The following RYR3 variants were observed in gnomAD, a reference collection of about 807,000 sequenced individuals.
The protein encoded by RYR3 is ryanodine receptor 3, also known as brain ryanodine receptor-calcium release channel.
A neutral mutation model predicts 584.3 loss-of-function variants in RYR3; 207 were observed. The observed-to-expected ratio is 0.35, with a 90% CI of 0.32 to 0.40. The LOEUF (loss-of-function observed/expected upper bound fraction) is 0.40, where lower values mean the gene tolerates loss of function less well. RYR3 is among the 10% of genes least tolerant of loss of function. The pLI is 1.00. For missense variants in RYR3, 5,616 were observed against 6,089.2 expected (o/e 0.92, Z 2.59); for synonymous variants, 2,416 against 2,248.5 (o/e 1.07, Z -2.11).
At chr15:33,565,654 C>G (rs973022089) in intron 11 of RYR3, among the ~76,000 whole-genome samples, 1 of 152,184 alleles carries the variant, frequency 6.6e-6, no homozygotes, top group Admixed American at 6.5e-5. Context: ...TTGCTTGCTT[C>G]CATCAAGAGG....
At chr15:33,460,940 CTTTTT>C (rs66742049) in intron 1 of RYR3, among the ~76,000 whole-genome samples, 8,807 of 79,136 alleles carry the variant, frequency 0.11, 612 homozygotes, top group Middle Eastern at 0.17. Flanking sequence ...TAATATCCAC[CTTTTT>C]TTTTTTTTTT....
chr15:33,699,662 T>G (rs1393182120), intron 40 of RYR3, 42 bp from the exon 41 acceptor site: 1 of 1,596,940 alleles, frequency 6.3e-7, no homozygotes, highest in Non-Finnish European at 8.6e-7. Flanking sequence ...AAAGGCCTCA[T>G]GATAGATTCT....
chr15:33,357,449 T>C (rs1438285635), intron 1 of RYR3, among the ~76,000 whole-genome samples: 4 of 152,192 alleles, frequency 2.6e-5, no homozygotes, highest in African/African-American at 9.7e-5. Context: ...CACCTGTCAA[T>C]ACCCTCTTAC....
chr15:33,690,852 A>G (rs1596175433), intron 38 of RYR3, among the ~76,000 whole-genome samples: 1 of 152,152 alleles, frequency 6.6e-6, no homozygotes, highest in Non-Finnish European at 1.5e-5. Context: ...TTAAATATTT[A>G]TTAATTTAAA....
chr15:33,691,374 A>T (rs1173037131), intron 38 of RYR3, among the ~76,000 whole-genome samples: 1 of 152,236 alleles, frequency 6.6e-6, no homozygotes, highest in Admixed American at 6.5e-5. Context: ...GGTTAATCAG[A>T]AAAGTCTTTA....
rs538998740 is a variant in RYR3 at position 33,380,171 on chromosome 15, A to G, written c.51+69075A>G. ...ACCCAGAAACACTATTTTACCAGCC[A>G]TCTAGGCCTCCTTCAATCCAATCAA... is the stretch of plus-strand genomic sequence containing the variant. On this transcript the variant is annotated intron_variant, in intron 1 of 103. Transcript: ENST00000634891. 3.9e-5 allele frequency among the ~76,000 whole-genome samples: 6 copies of G among 152,228 alleles called. No individual in the cohort carries two copies. The East Asian group carries it at 9.7e-4, about 25-fold the overall frequency.
At chr15:33,725,192 C>CACACACACAT (rs1483938201) in intron 45 of RYR3, among the ~76,000 whole-genome samples, 1 of 145,518 alleles carries the variant, frequency 6.9e-6, no homozygotes, top group Admixed American at 6.8e-5. Flanking sequence ...CACACACACA[C>CACACACACAT]ACACACACAC....
chr15:33,636,649 T>C (rs2061515501), intron 27 of RYR3, 99 bp downstream of exon 27: 1 of 1,079,458 alleles, frequency 9.3e-7, no homozygotes, highest in Non-Finnish European at 1.3e-6. Context: ...CGGTCTACAC[T>C]GTCCTTTGCA....
chr15:33,481,881 T>A (rs997437686), intron 2 of RYR3, among the ~76,000 whole-genome samples: 1 of 151,910 alleles, frequency 6.6e-6, no homozygotes, highest in African/African-American at 2.4e-5. Flanking sequence ...TTCCCTTATA[T>A]CTTTTGTGCT....
At chr15:33,356,131 A>G (rs781214382) in intron 1 of RYR3, among the ~76,000 whole-genome samples, 3 of 152,120 alleles carry the variant, frequency 2.0e-5, no homozygotes, top group Non-Finnish European at 4.4e-5. Context: ...TAAGTGAAGG[A>G]GCAGCATGGT....
intron 5 of RYR3, among the ~76,000 whole-genome samples, chr15:33,534,338 T>C (rs1030315379): frequency 3.3e-5 from 5 of 152,122 alleles, no homozygotes; most frequent in African/African-American, 4.8e-5. Context: ...GAGGCAGGGG[T>C]TGCAGTGAGC....
chr15:33,570,338 G>C (rs12899789), intron 12 of RYR3, among the ~76,000 whole-genome samples: 99,721 of 151,936 alleles, frequency 0.66, 33,690 homozygotes, highest in Middle Eastern at 0.76. Context: ...TCTGGAAAGA[G>C]AATATTTCCC....
At chr15:33,509,689 A>C (rs2052799896) in intron 3 of RYR3, among the ~76,000 whole-genome samples, 1 of 152,218 alleles carries the variant, frequency 6.6e-6, no homozygotes. Context: ...GTATGTGTCA[A>C]GTCCCTACAG....
At chr15:33,860,930 ATGTATGG>A in intron 101 of RYR3, 141 bp from the exon 102 acceptor site, 6 of 563,914 alleles carry the variant, frequency 1.1e-5, no homozygotes, top group South Asian at 5.2e-5. Context: ...CTAATAGCCA[ATGTATGG>A]CACTACTGAG....
rs183526141 is a variant in RYR3, at chr15:33,721,635, G to C, written c.6620-1080G>C. Among the ~76,000 whole-genome samples the C allele has an allele frequency of 8.8e-3, 1,346 of 152,230 alleles. 12 individuals are homozygous for C. Among genetic ancestry groups the C allele is most frequent in the Non-Finnish European group, 0.014 (942 of 68,016 alleles). ...CAGGGATAAATTCTCAGACACAAAT[G>C]AGGTACCTCTTATGATTTTGTAGAG... On this transcript the variant is annotated intron_variant, in intron 43 of 103. Transcript: ENST00000634891.
chr15:33,699,308 CTTTCCTCACTTTCTCTCCTCACTT>C (rs1175653076), intron 40 of RYR3, among the ~76,000 whole-genome samples: 3 of 130,176 alleles, frequency 2.3e-5, no homozygotes, highest in Non-Finnish European at 3.2e-5. Context: ...TCTCCTCACT[CTTTCCTCACTTTCTCTCCTCACTT>C]TCTCTCCTCT....
rs370824147 is a variant in RYR3, at chr15:33,865,223, A to G, written c.14610A>G (p.Gly4870=). Residue 4870 remains glycine (G), a synonymous_variant, in exon 104 of 104, where the codon GGA becomes GGG. Transcript: ENST00000634891. ...CFRKQYEDQL[G] ...GTAAACAATATGAAGATCAGCTTGG[A>G]TAAATCTGAATCAAAGAAGCGCGAC... is the stretch of plus-strand genomic sequence containing the variant. 1.2e-5 allele frequency: 19 copies of G among 1,610,312 alleles called. No individual in the cohort carries two copies. Among genetic ancestry groups the G allele is most frequent in the Non-Finnish European group, 1.4e-5 (16 of 1,177,312 alleles).
At chr15:33,324,161 T>TG (rs59712013) in intron 1 of RYR3, among the ~76,000 whole-genome samples, 22,892 of 152,082 alleles carry the variant, frequency 0.15, 2,981 homozygotes, top group African/African-American at 0.36. Context: ...GGATATTGTC[T>TG]GGGGGTGGGA....
intron 87 of RYR3, among the ~76,000 whole-genome samples, 173 bp downstream of exon 87, chr15:33,835,245 C>T (rs985783993): frequency 2.6e-5 from 4 of 152,192 alleles, no homozygotes; most frequent in South Asian, 2.1e-4. Flanking sequence ...ATGAATGCCT[C>T]GGAGGGGCGC....
Sources: gnomAD v4.1 joint callset for allele counts (sites outside exome capture counted in the v4.1 genomes callset) on GRCh38, gnomAD v4.1.1 for gene constraint, MANE v1.5 for transcripts, NCBI Gene and HGNC (gene_info 2026-07-23, HGNC 2026-07-21) for gene names.